The following SERPINA5 variants were observed in gnomAD, a reference collection of about 807,000 sequenced individuals.
SERPINA5 encodes serpin family A member 5, also known as plasma serine protease inhibitor.
A neutral mutation model predicts 25.3 loss-of-function variants in SERPINA5; 25 were observed. That is an observed-to-expected ratio of 0.99 (90% CI 0.72 to 1.38). The LOEUF is 1.38. Ranked by LOEUF, SERPINA5 falls within the 40% of genes most tolerant of loss-of-function variation. The pLI, the probability that SERPINA5 is intolerant of heterozygous loss-of-function variation, is 0.00. For synonymous variants in SERPINA5, 234 were observed against 206.2 expected (o/e 1.14, Z -1.16); for missense variants, 599 against 509.5 (o/e 1.18, Z -1.69).
chr14:94,588,780 T>G (rs984231963), intron 3 of SERPINA5, among the ~76,000 whole-genome samples: 1 of 152,178 alleles, frequency 6.6e-6, no homozygotes, highest in Non-Finnish European at 1.5e-5. Context: ...ATCAAGGCAC[T>G]GGCAGATGCA....
chr14:94,592,768 C>T lies in SERPINA5; in HGVS notation c.*529C>T, dbSNP rs565620009. The T allele has an allele frequency of 6.5e-6, 1 of 153,384 alleles. No individual in the cohort carries two copies. Among genetic ancestry groups the T allele is most frequent in the South Asian group, 2.1e-4 (1 of 4,874 alleles). 9.5% of individuals were successfully genotyped at this position (153,384 alleles called of 1,614,324 possible). On this transcript the variant is annotated 3_prime_UTR_variant, in exon 6 of 6. Transcript: ENST00000329597. ...CTGTGTGACATTGGGACAACACTTT[C>T]CCTCTCTGGACCTCAGTTTCCCTCT... is the stretch of plus-strand genomic sequence containing the variant.
chr14:94,584,134 A>G (rs1885000287), intron 2 of SERPINA5, among the ~76,000 whole-genome samples: 1 of 152,186 alleles, frequency 6.6e-6, no homozygotes. Context: ...GGAACGAGGT[A>G]TCACTCCTCA....
chr14:94,587,855 T>C lies in SERPINA5; in HGVS notation c.493T>C (p.Ser165Pro), dbSNP rs749881353. Residue 165 changes from serine to proline, a missense_variant, in exon 3 of 6, where the codon TCT (serine) becomes CCT (proline). Physicochemically the swap from Ser to Pro is moderately conservative, Grantham distance 74 (BLOSUM62 -1). Transcript: ENST00000329597. ...CACTTTCCCTACCAACTTTAGGGAC[T>C]CTGCAGGGGCCATGAAGCAGATCAA... is the stretch of plus-strand genomic sequence containing the variant. ...ADTFPTNFRD[S>P]AGAMKQINDY... 13 of 1,613,826 alleles carry C rather than the reference T, an allele frequency of 8.1e-6. No individual in the cohort carries two copies. Among genetic ancestry groups the C allele is most frequent in the Non-Finnish European group, 1.1e-5 (13 of 1,179,826 alleles).
At chr14:94,587,098 G>T in intron 2 of SERPINA5, 1 of 445,986 alleles carries the variant, frequency 2.2e-6, no homozygotes, top group Admixed American at 4.0e-5. Context: ...TCCTGCCCTG[G>T]CAGCCAGACC....
chr14:94,585,719 C>T lies in SERPINA5; in HGVS notation c.-17-1627C>T, dbSNP rs1246187760. ...GCTCACATCAGAAGCCAGGCAGGCC[C>T]TCTGCACCTGGTAATTAGCCAGCCT... On this transcript the variant is annotated intron_variant, in intron 2 of 5. Coordinates refer to ENST00000329597, the MANE Select transcript of SERPINA5 (RefSeq NM_000624.6). Among the ~76,000 whole-genome samples, 3 of 151,952 alleles carry T rather than the reference C, an allele frequency of 2.0e-5. No individual in the cohort carries two copies. In the South Asian group the frequency reaches 6.2e-4, roughly 32 times the overall value.
Position 94,590,102 on chromosome 14 carries a change from G to A in SERPINA5, c.681G>A (p.Ser227=), listed in dbSNP as rs145291197. The A allele has an allele frequency of 1.4e-5, 23 of 1,613,368 alleles. No individual in the cohort carries two copies. Among genetic ancestry groups the A allele is most frequent in the Admixed American group, 1.0e-4 (6 of 59,972 alleles). The part of the protein sequence containing the change: ...GTQEQDFYVT[S]ETVVRVPMMS... ...AAGAGCAAGACTTCTACGTGACCTC[G>A]GAGACTGTGGTGCGGGTACCCATGA... Residue 227 remains serine (S), a synonymous_variant, in exon 4 of 6, where the codon TCG becomes TCA. Coordinates refer to ENST00000329597, the MANE Select transcript of SERPINA5 (RefSeq NM_000624.6).
At chr14:94,586,143 T>C (rs2069958) in intron 2 of SERPINA5, among the ~76,000 whole-genome samples, 24,893 of 151,712 alleles carry the variant, frequency 0.16, 2,409 homozygotes, top group East Asian at 0.47. Context: ...TTGGGTGAAG[T>C]GGAGGGAGGA....
In SERPINA5 at chr14:94,590,277, A is replaced by G; in HGVS notation, c.856A>G (p.Thr286Ala). The G allele has an allele frequency of 1.2e-6, 2 of 1,609,730 alleles. No homozygotes were observed. The highest frequency in any genetic ancestry group is 1.7e-6 in the Non-Finnish European group (2 of 1,176,668). ...GGTGGAGAATGGACTGAGTGAGAAAACGCTGAGGAAGTGGCTTAAGATGTT... is the reference window on the plus strand; with the variant it reads ...GGTGGAGAATGGACTGAGTGAGAAAGCGCTGAGGAAGTGGCTTAAGATGTT... ...QQVENGLSEKTLRKWLKMFKK... is the reference protein window; with the variant it reads ...QQVENGLSEKALRKWLKMFKK... The change falls in exon 4 of 6, where the codon ACG becomes GCG. Residue 286 changes from threonine to alanine, a missense_variant. Physicochemically the swap from Thr to Ala is moderately conservative, Grantham distance 58. Coordinates refer to ENST00000329597, the MANE Select transcript of SERPINA5 (RefSeq NM_000624.6).
At chr14:94,587,082 C>T in intron 2 of SERPINA5, 1 of 421,486 alleles carries the variant, frequency 2.4e-6, no homozygotes, top group Non-Finnish European at 4.2e-6. Flanking sequence ...GATGGGTAGA[C>T]AGGATTCCTG....
intron 2 of SERPINA5, among the ~76,000 whole-genome samples, chr14:94,586,171 C>G (rs2069959): frequency 0.65 from 99,539 of 151,988 alleles, 32,938 homozygotes; most frequent in South Asian, 0.72. Flanking sequence ...GACTGAAGGC[C>G]AAGGCCACGT....
rs548212623 is a variant in SERPINA5 at position 94,590,471 on chromosome 14, T to G, written c.890+160T>G. The stretch of plus-strand genomic sequence containing the variant: ...CTGTGACATCCAAGTCCTGGGGGCC[T>G]AGCCCAGTTGGAGGGACAAGAGCTG... On this transcript the variant is annotated intron_variant, in intron 4 of 5. Coordinates refer to ENST00000329597, the MANE Select transcript of SERPINA5 (RefSeq NM_000624.6). 4.0e-6 allele frequency: 4 copies of G among 998,796 alleles called. No homozygotes were observed. The East Asian group carries it at 1.1e-4, about 27-fold the overall frequency. The allele number at this position is 998,796 out of a possible 1,614,324, so 61.9% of individuals were successfully genotyped here. A position where few individuals can be genotyped will look rare whatever the true frequency, so the allele number is the denominator to read the frequency against.
At chr14:94,589,889 T>C (rs1376608847) in intron 3 of SERPINA5, 152 bp from the exon 4 acceptor site, 1 of 674,952 alleles carries the variant, frequency 1.5e-6, no homozygotes, top group Admixed American at 3.2e-5. Flanking sequence ...CTTGCCTTCA[T>C]ATTCAAGAGG....
At position 94,592,753 on chromosome 14, in the gene SERPINA5, T is replaced by C. The variant is rs1419829061; in HGVS notation, c.*514T>C. Reference sequence around the variant, plus strand: ...TTCAGTCCTAATGTGCTGTGTGACATTGGGACAACACTTTCCCTCTCTGGA... The same window carrying C: ...TTCAGTCCTAATGTGCTGTGTGACACTGGGACAACACTTTCCCTCTCTGGA... On this transcript the variant is annotated 3_prime_UTR_variant, in exon 6 of 6. Coordinates refer to ENST00000329597, the MANE Select transcript of SERPINA5 (RefSeq NM_000624.6). 2.0e-5 allele frequency: 3 copies of C among 153,764 alleles called. No individual in the cohort carries two copies. The highest frequency in any genetic ancestry group is 1.9e-4 in the East Asian group (1 of 5,240). 9.5% of individuals were successfully genotyped at this position (153,764 alleles called of 1,614,324 possible).
At chr14:94,590,940 C>T in intron 5 of SERPINA5, 44 bp downstream of exon 5, 1 of 1,557,194 alleles carries the variant, frequency 6.4e-7, no homozygotes, top group Non-Finnish European at 8.7e-7. Flanking sequence ...AAGGTCTATT[C>T]TGTTCTATTC....
chr14:94,591,016 A>C, intron 5 of SERPINA5, 120 bp downstream of exon 5: 1 of 877,212 alleles, frequency 1.1e-6, no homozygotes, highest in Non-Finnish European at 1.6e-6. Context: ...ACTCCACTCC[A>C]CTCCAGTTCA....
At chr14:94,589,969 T>A (rs2139930165) in intron 3 of SERPINA5, 72 bp from the exon 4 acceptor site, 1 of 1,445,194 alleles carries the variant, frequency 6.9e-7, no homozygotes, top group East Asian at 2.4e-5. Context: ...TCTTCACTCC[T>A]TTTATTTGCA....
At chr14:94,586,550 C>G (rs890566953) in intron 2 of SERPINA5, among the ~76,000 whole-genome samples, 4 of 152,172 alleles carry the variant, frequency 2.6e-5, no homozygotes, top group African/African-American at 9.7e-5. Context: ...TGACCTCATT[C>G]TAACTCAGTC....
chr14:94,589,862 C>G (rs560877639), intron 3 of SERPINA5, among the ~76,000 whole-genome samples, 179 bp from the exon 4 acceptor site: 1 of 152,102 alleles, frequency 6.6e-6, no homozygotes, highest in Admixed American at 6.5e-5. Context: ...AAGAATGTGC[C>G]CAATGTTATA....
At chr14:94,591,512 G>A (rs201791328) in intron 5 of SERPINA5, among the ~76,000 whole-genome samples, 1 of 118,320 alleles carries the variant, frequency 8.5e-6, no homozygotes, top group Non-Finnish European at 1.8e-5. Context: ...TTCCATTGCA[G>A]TCCACTCCAC....
Sources: allele counts gnomAD v4.1 joint callset (sites outside exome capture counted in the v4.1 genomes callset), GRCh38; gene constraint gnomAD v4.1.1; transcripts MANE v1.5; gene names NCBI Gene and HGNC (gene_info 2026-07-23, HGNC 2026-07-21).